The following RAB38 variants were observed in gnomAD, a reference collection of about 807,000 sequenced individuals.
RAB38 encodes the protein ras-related protein Rab-38.
RAB38 carries 15 observed loss-of-function variants against 18.4 expected under a neutral mutation model. The ratio of observed to expected loss-of-function variants is 0.82; its 90% CI spans 0.55 to 1.26. RAB38 has a LOEUF of 1.26. RAB38 is among the 50% of genes most tolerant of loss of function. The pLI is 0.00. For synonymous variants in RAB38, 101 were observed against 104.4 expected (o/e 0.97, Z 0.20); for missense variants, 294 against 267.4 (o/e 1.10, Z -0.69).
At chr11:87,937,865 G>GAAGT in the RAB38 span, among the ~76,000 whole-genome samples, 1,810 of 86,124 alleles carry the variant, frequency 0.021, 22 homozygotes, top group Non-Finnish European at 0.031. Context: ...ATTGCTCATT[G>GAAGT]AAGTGTTTTT....
the RAB38 span, among the ~76,000 whole-genome samples, chr11:87,889,671 A>G: frequency 6.6e-6 from 1 of 151,878 alleles, no homozygotes; most frequent in Admixed American, 6.6e-5. Context: ...TAGCTTCCCA[A>G]ACTGACAGAG....
the RAB38 span, among the ~76,000 whole-genome samples, chr11:87,864,980 A>C: frequency 1.3e-5 from 2 of 151,806 alleles, no homozygotes; most frequent in African/African-American, 2.4e-5. Flanking sequence ...AAACAGGACC[A>C]TTCTCTTGTC....
At chr11:88,138,413 A>T (rs555163233) in intron 2 of RAB38, among the ~76,000 whole-genome samples, 1 of 152,354 alleles carries the variant, frequency 6.6e-6, no homozygotes, top group African/African-American at 2.4e-5. Flanking sequence ...GAAGTGGGGT[A>T]AGTAGGTAAG....
At chr11:88,128,007 G>GT (rs1259426468) in intron 2 of RAB38, among the ~76,000 whole-genome samples, 1 of 152,182 alleles carries the variant, frequency 6.6e-6, no homozygotes, top group Non-Finnish European at 1.5e-5. Flanking sequence ...TGAATGAACT[G>GT]TTCTGTAAAA....
chr11:87,826,102 G>A, the RAB38 span, among the ~76,000 whole-genome samples: 57 of 152,082 alleles, frequency 3.7e-4, no homozygotes, highest in African/African-American at 1.2e-3. Context: ...AATGGTAAAA[G>A]TGAGTGATAA....
the RAB38 span, among the ~76,000 whole-genome samples, chr11:88,045,892 T>A: frequency 1.2e-4 from 19 of 152,278 alleles, no homozygotes; most frequent in African/African-American, 4.3e-4. Flanking sequence ...GCTTAGACAA[T>A]ACTCTTTTAA....
the RAB38 span, among the ~76,000 whole-genome samples, chr11:88,036,667 G>T: frequency 6.6e-6 from 1 of 151,906 alleles, no homozygotes; most frequent in Non-Finnish European, 1.5e-5. Flanking sequence ...TCAACATAGA[G>T]GTAGGGTCAC....
the RAB38 span, among the ~76,000 whole-genome samples, chr11:87,922,400 A>G: frequency 4.6e-5 from 7 of 151,996 alleles, no homozygotes; most frequent in African/African-American, 7.2e-5. Context: ...TTTTGTTTCA[A>G]TCATGGAGAT....
intron 2 of RAB38, among the ~76,000 whole-genome samples, chr11:88,117,233 C>A (rs149532715): frequency 3.9e-5 from 6 of 152,170 alleles, no homozygotes; most frequent in African/African-American, 1.4e-4. Context: ...CCACTAAGTA[C>A]TAGGCATACC....
the RAB38 span, among the ~76,000 whole-genome samples, chr11:87,831,560 G>T: frequency 2.0e-5 from 3 of 152,152 alleles, 1 homozygote; most frequent in Admixed American, 2.0e-4. Context: ...AAAGCCCAAA[G>T]GTAACAGTGA....
the RAB38 span, among the ~76,000 whole-genome samples, chr11:88,022,628 A>AAAAAAAAAAAAC: frequency 2.0e-5 from 3 of 150,556 alleles, no homozygotes; most frequent in Non-Finnish European, 4.4e-5. Flanking sequence ...AAAAAAAAAA[A>AAAAAAAAAAAAC]AAAACAACTA....
chr11:87,899,965 T>C, the RAB38 span, among the ~76,000 whole-genome samples: 3 of 151,556 alleles, frequency 2.0e-5, no homozygotes, highest in East Asian at 3.9e-4. Flanking sequence ...TTCCGTTTTT[T>C]TTTTCCCCAT....
chr11:87,858,624 C>A, the RAB38 span, among the ~76,000 whole-genome samples: 1 of 151,854 alleles, frequency 6.6e-6, no homozygotes, highest in African/African-American at 2.4e-5. Flanking sequence ...ATCTCAAATG[C>A]CATTGTATTA....
chr11:88,167,863 C>A (rs1341229598), intron 1 of RAB38, among the ~76,000 whole-genome samples: 4 of 152,142 alleles, frequency 2.6e-5, no homozygotes, highest in Admixed American at 2.6e-4. Context: ...TGGAATAAAC[C>A]TGATTCCTAC....
chr11:87,953,784 C>CTGAACAATACTGTATGTTTCTCTT, the RAB38 span, among the ~76,000 whole-genome samples: 2 of 151,376 alleles, frequency 1.3e-5, no homozygotes, highest in Non-Finnish European at 2.9e-5. Flanking sequence ...TTGCTTCCCC[C>CTGAACAATACTGTATGTTTCTCTT]TGAACAATAC....
the RAB38 span, among the ~76,000 whole-genome samples, chr11:87,853,332 C>T: frequency 6.6e-6 from 1 of 152,066 alleles, no homozygotes; most frequent in Non-Finnish European, 1.5e-5. Context: ...GGTGAGGCCT[C>T]CATGTTAAGA....
chr11:87,914,486 G>T, the RAB38 span, among the ~76,000 whole-genome samples: 1 of 152,096 alleles, frequency 6.6e-6, no homozygotes, highest in Non-Finnish European at 1.5e-5. Flanking sequence ...ACTTTTCACT[G>T]CTCATGCTCA....
At chr11:88,168,218 G>A (rs1943267385) in intron 1 of RAB38, among the ~76,000 whole-genome samples, 1 of 152,044 alleles carries the variant, frequency 6.6e-6, no homozygotes. Flanking sequence ...GAATTACTGT[G>A]GTATTTAAAT....
chr11:87,917,263 T>C, the RAB38 span, among the ~76,000 whole-genome samples: 1 of 152,078 alleles, frequency 6.6e-6, no homozygotes, highest in African/African-American at 2.4e-5. Context: ...GAGTCAAGGA[T>C]GAGTCTATAT....
Sources: gnomAD v4.1 joint callset for allele counts (sites outside exome capture counted in the v4.1 genomes callset) on GRCh38, gnomAD v4.1.1 for gene constraint, MANE v1.5 for transcripts, NCBI Gene and HGNC (gene_info 2026-07-23, HGNC 2026-07-21) for gene names.